Variants in RFTN1 observed in about 807,000 individuals in gnomAD.
The protein encoded by RFTN1 is raftlin.
In RFTN1, 26 loss-of-function variants were observed where a neutral mutation model predicts 46.5. The ratio of observed to expected loss-of-function variants is 0.56; its 90% CI spans 0.41 to 0.78. RFTN1 has a LOEUF of 0.78. Among genes scored for constraint, RFTN1 ranks in the 30% least tolerant of loss-of-function variants. The pLI, the probability that RFTN1 is intolerant of heterozygous loss-of-function variation, is 0.00. For synonymous variants in RFTN1, 261 were observed against 284.2 expected, an observed-to-expected ratio of 0.92 and a Z score of 0.82; for missense variants, 693 against 718.7, an observed-to-expected ratio of 0.96 and a Z score of 0.41.
chr3:16,420,079 T>C (rs1469430367), intron 3 of RFTN1, among the ~76,000 whole-genome samples: 2 of 152,212 alleles, frequency 1.3e-5, no homozygotes, highest in Non-Finnish European at 2.9e-5. Flanking sequence ...GCTGGCTCCC[T>C]GGGAGACAAA....
At chr3:16,431,136 C>G (rs1455125625) in intron 3 of RFTN1, among the ~76,000 whole-genome samples, 5 of 152,130 alleles carry the variant, frequency 3.3e-5, no homozygotes, top group African/African-American at 1.2e-4. Context: ...ATCGATGTGC[C>G]CCTTGCACGA....
chr3:16,501,932 C>T (rs769236549), intron 1 of RFTN1, among the ~76,000 whole-genome samples: 6 of 152,178 alleles, frequency 3.9e-5, no homozygotes, highest in African/African-American at 1.2e-4. Flanking sequence ...ACTGTATTAA[C>T]GGTTTATATG....
At chr3:16,456,033 A>T (rs1435658969) in intron 2 of RFTN1, among the ~76,000 whole-genome samples, 1 of 135,864 alleles carries the variant, frequency 7.4e-6, no homozygotes, top group Non-Finnish European at 1.5e-5. Context: ...GAATCCACTT[A>T]CTATTCTGTG....
At chr3:16,319,533 G>A (rs896992221) in intron 9 of RFTN1, among the ~76,000 whole-genome samples, 1 of 152,212 alleles carries the variant, frequency 6.6e-6, no homozygotes, top group Non-Finnish European at 1.5e-5. Flanking sequence ...CTGTTGTGCA[G>A]TGTACAACTG....
At chr3:16,409,579 G>A (rs541924529) in intron 3 of RFTN1, 96 bp from the exon 4 acceptor site, 108 of 782,816 alleles carry the variant, frequency 1.4e-4, no homozygotes, top group African/African-American at 2.1e-4. Context: ...GTGCAATGAC[G>A]CGATCTCGGC....
In RFTN1 at chr3:16,344,330, G is replaced by T. The variant is rs950853862; in HGVS notation, c.1146+13602C>A. ...GTGGATTAGATCAGTAATTTTCAAG[G>T]TTTTTTTTTTTTAATTAGTAGGATG... On this transcript the variant is annotated intron_variant, in intron 7 of 9. Coordinates refer to ENST00000334133, the MANE Select transcript of RFTN1 (RefSeq NM_015150.2). The surrounding 1 kb of genome is among the most constrained non-coding windows in gnomAD (Gnocchi z 4.4). Among the ~76,000 whole-genome samples the T allele has an allele frequency of 1.4e-5, 2 of 147,456 alleles. No homozygotes were observed. The highest frequency in any genetic ancestry group is 6.7e-5 in the Admixed American group (1 of 14,850).
intron 8 of RFTN1, among the ~76,000 whole-genome samples, chr3:16,324,965 T>G (rs2069550503): frequency 6.6e-6 from 1 of 152,210 alleles, no homozygotes; most frequent in Non-Finnish European, 1.5e-5. Flanking sequence ...TTCTCTTTTC[T>G]CTATACCCTT....
At position 16,332,794 on chromosome 3, in the gene RFTN1, CT is replaced by C. The variant is rs2070454371; in HGVS notation, c.1147-5919del. ...ATTTGTTGAAATCACTCATCTTCTACTTTATCTTCTTCTAATCTTTTTGTTC... is the reference window on the plus strand; with the variant it reads ...ATTTGTTGAAATCACTCATCTTCTACTTATCTTCTTCTAATCTTTTTGTTC... On this transcript the variant is annotated intron_variant, in intron 7 of 9. Transcript: ENST00000334133. Among the ~76,000 whole-genome samples, 3 of 79,340 alleles carry C rather than the reference CT, an allele frequency of 3.8e-5. No homozygotes were observed. In the Admixed American group the frequency reaches 3.9e-4, roughly 10 times the overall value. The allele number at this position is 79,340 out of a possible 152,430, so 52.1% of individuals were successfully genotyped here.
chr3:16,369,329 A>G (rs2073389929), intron 6 of RFTN1, among the ~76,000 whole-genome samples: 2 of 152,234 alleles, frequency 1.3e-5, no homozygotes, highest in African/African-American at 4.8e-5. Flanking sequence ...ATTTGGTGTT[A>G]TGTGTCACTT....
rs934931337 is a variant in RFTN1, at chr3:16,506,325, G to A, written c.-9+7117C>T. ...CCTCAGGGTGAAGTCAAACAGGGCT[G>A]GGGAGACAGAGCGTAGGCCTGGCCG... On this transcript the variant is annotated intron_variant, in intron 1 of 9. Transcript: ENST00000334133. This position sits in a 1 kb window ranked among gnomAD's most constrained non-coding sequence, Gnocchi z 4.8. Among the ~76,000 whole-genome samples the A allele has an allele frequency of 2.0e-5, 3 of 152,134 alleles. No individual in the cohort carries two copies. Among genetic ancestry groups the A allele is most frequent in the Admixed American group, 2.0e-4 (3 of 15,272 alleles).
At chr3:16,488,080 A>C (rs1440303225) in intron 2 of RFTN1, among the ~76,000 whole-genome samples, 1 of 149,768 alleles carries the variant, frequency 6.7e-6, no homozygotes, top group Admixed American at 6.7e-5. Context: ...CAAACTCAAC[A>C]GTGTTAACTG....
At chr3:16,403,586 T>TTATATATATAATATATAA (rs1369513253) in intron 4 of RFTN1, among the ~76,000 whole-genome samples, 1 of 88,376 alleles carries the variant, frequency 1.1e-5, no homozygotes, top group African/African-American at 5.4e-5. Flanking sequence ...ATATTATATT[T>TTATATATATAATATATAA]TATATATATA....
chr3:16,419,844 C>T (rs1291082316), intron 3 of RFTN1, among the ~76,000 whole-genome samples: 1 of 152,084 alleles, frequency 6.6e-6, no homozygotes, highest in African/African-American at 2.4e-5. Flanking sequence ...TCCGATGTTC[C>T]CTTCCCCTTC....
rs1197420158 is a variant in RFTN1, at chr3:16,377,699, C to G, written c.826+19G>C. On this transcript the variant is annotated intron_variant, in intron 5 of 9. Coordinates refer to ENST00000334133, the MANE Select transcript of RFTN1 (RefSeq NM_015150.2). ...CTGCTCTTTAAGTGGGTCAAAACTC[C>G]CATTGCTGACATACTTACTCCCTGA... 1.9e-6 allele frequency: 3 copies of G among 1,561,770 alleles called. No individual in the cohort carries two copies. In the African/African-American group the frequency reaches 4.1e-5, roughly 21 times the overall value.
At chr3:16,463,918 C>T (rs1331117334) in intron 2 of RFTN1, among the ~76,000 whole-genome samples, 2 of 152,212 alleles carry the variant, frequency 1.3e-5, no homozygotes, top group South Asian at 2.1e-4. Context: ...TCCTGGCTTA[C>T]ACCCTTTGCT....
Position 16,320,646 on chromosome 3 carries a change from G to T in RFTN1, c.1332+2730C>A, listed in dbSNP as rs1380616290. 6.6e-6 allele frequency among the ~76,000 whole-genome samples: 1 copy of T among 152,230 alleles called. No individual in the cohort carries two copies. Among genetic ancestry groups the T allele is most frequent in the Non-Finnish European group, 1.5e-5 (1 of 68,050 alleles). ...GGGTAGTACAAAGGAGTCTGGTTTG[G>T]TATAAAAGGAGACAGCACTGTTCTG... On this transcript the variant is annotated intron_variant, in intron 9 of 9. Transcript: ENST00000334133. The surrounding 1 kb of genome is among the most constrained non-coding windows in gnomAD (Gnocchi z 4.5).
In RFTN1 at chr3:16,316,448, T is replaced by G; in HGVS notation, c.*380A>C. The G allele has an allele frequency of 3.5e-6, 1 of 284,588 alleles. No individual in the cohort carries two copies. The highest frequency in any genetic ancestry group is 6.7e-6 in the Non-Finnish European group (1 of 148,612). The allele number at this position is 284,588 out of a possible 1,614,324, so 17.6% of individuals were successfully genotyped here. A position where few individuals can be genotyped will look rare whatever the true frequency, so the allele number is the denominator to read the frequency against. On this transcript the variant is annotated 3_prime_UTR_variant, in exon 10 of 10. Coordinates refer to ENST00000334133, the MANE Select transcript of RFTN1 (RefSeq NM_015150.2). The surrounding 1 kb of genome is among the most constrained non-coding windows in gnomAD (Gnocchi z 4.5). ...ATGTGGGATGAACAGCAGCCTTGGT[T>G]TGTAGCCCAGGGTGTCCATGGATTT...
intron 2 of RFTN1, among the ~76,000 whole-genome samples, chr3:16,482,047 T>G (rs909208579): frequency 1.3e-5 from 2 of 152,094 alleles, no homozygotes; most frequent in Admixed American, 1.3e-4. Flanking sequence ...AGTGGGTTAT[T>G]GACCAACACT....
At chr3:16,403,260 A>G (rs1282262047) in intron 4 of RFTN1, among the ~76,000 whole-genome samples, 1 of 152,150 alleles carries the variant, frequency 6.6e-6, no homozygotes, top group Non-Finnish European at 1.5e-5. Context: ...CAAGTGCTCT[A>G]GAACACAGTC....
Sources: allele counts gnomAD v4.1 joint callset (sites outside exome capture counted in the v4.1 genomes callset), GRCh38; gene constraint gnomAD v4.1.1; non-coding constraint Gnocchi (gnomAD v3.1); transcripts MANE v1.5; gene names NCBI Gene and HGNC (gene_info 2026-07-23, HGNC 2026-07-21).